The following GREB1L variants were observed in gnomAD, a reference collection of about 807,000 sequenced individuals.
The protein encoded by GREB1L is GREB1 like retinoic acid receptor coactivator, also known as GREB1-like protein.
GREB1L carries 17 observed loss-of-function variants against 200.8 expected under a neutral mutation model. The observed-to-expected ratio is 0.08, with a 90% CI of 0.06 to 0.13. GREB1L has a LOEUF of 0.13. Ranked by LOEUF, GREB1L falls within the 10% of genes least tolerant of loss-of-function variation. The probability of loss-of-function intolerance (pLI) is 1.00; values close to 1 mark genes in which losing one functional copy is unlikely to be tolerated. For missense variants in GREB1L, 1,657 were observed against 2,367.7 expected (o/e 0.70, Z 6.23); for synonymous variants, 789 against 893.0 (o/e 0.88, Z 2.08).
At chr18:21,430,221 A>G (rs374147403) in intron 7 of GREB1L, among the ~76,000 whole-genome samples, 10 of 152,298 alleles carry the variant, frequency 6.6e-5, no homozygotes, top group East Asian at 5.8e-4. Flanking sequence ...GCGGGGAGAC[A>G]ATTCAGTCTA....
intron 15 of GREB1L, among the ~76,000 whole-genome samples, chr18:21,460,137 A>G (rs1158788523): frequency 6.6e-6 from 1 of 151,950 alleles, no homozygotes; most frequent in African/African-American, 2.4e-5. Context: ...GCCGTACTAA[A>G]TTCTTGTTTT....
Position 21,403,883 on chromosome 18 carries a change from C to A in GREB1L, c.721C>A (p.Arg241=). 1 of 1,550,988 alleles carries A rather than the reference C, an allele frequency of 6.4e-7. No homozygotes were observed. ...PLICWKECRS[R]QSSASCHSIK... is the part of the protein sequence containing the mutation. ...TTACTCTTTTCCAGAATGTAGAAGC[C>A]GACAATCCTCTGCTTCTTGCCACTC... The change falls in exon 7 of 33, where the codon CGA becomes AGA. Residue 241 remains arginine, a synonymous_variant. Transcript: ENST00000424526.
Position 21,496,446 on chromosome 18 carries a change from T to C in GREB1L, c.3147-8T>C. 1 of 1,551,632 alleles carries C rather than the reference T, an allele frequency of 6.4e-7. No individual in the cohort carries two copies. Among genetic ancestry groups the C allele is most frequent in the Admixed American group, 2.0e-5 (1 of 50,990 alleles). On this transcript the variant is annotated splice_polypyrimidine_tract_variant and splice_region_variant and intron_variant, in intron 20 of 32. Transcript: ENST00000424526. ...AGACTCACCAACAACACAATTACTT[T>C]TGTTCAGGTCTTTGAAGTACTGTGA...
At chr18:21,250,284 T>G (rs2037681481) in intron 1 of GREB1L, among the ~76,000 whole-genome samples, 1 of 152,190 alleles carries the variant, frequency 6.6e-6, no homozygotes, top group South Asian at 2.1e-4. Context: ...TGTAAAGAGA[T>G]CAAACATCCT....
chr18:21,356,008 A>G (rs1266795900), intron 1 of GREB1L, among the ~76,000 whole-genome samples: 1 of 103,416 alleles, frequency 9.7e-6, no homozygotes. Context: ...TTTTTTTGAG[A>G]TGGCGTCTCA....
intron 5 of GREB1L, among the ~76,000 whole-genome samples, chr18:21,398,617 AT>A (rs1376798531): frequency 6.6e-6 from 1 of 152,168 alleles, no homozygotes. Context: ...TTCATCCAAC[AT>A]TTCTTACTTA....
chr18:21,495,455 T>C (rs7233832), intron 19 of GREB1L, among the ~76,000 whole-genome samples: 13,734 of 152,258 alleles, frequency 0.09, 2,054 homozygotes, highest in African/African-American at 0.31. Flanking sequence ...ATCTCCGTTT[T>C]ATCCTACTGA....
At chr18:21,393,051 C>A (rs77318177) in intron 4 of GREB1L, among the ~76,000 whole-genome samples, 9 of 152,232 alleles carry the variant, frequency 5.9e-5, no homozygotes, top group African/African-American at 2.2e-4. Context: ...GGATTACAGG[C>A]GTGAGCCACT....
chr18:21,469,270 A>G (rs759409130), intron 15 of GREB1L, among the ~76,000 whole-genome samples: 7 of 152,156 alleles, frequency 4.6e-5, no homozygotes, highest in African/African-American at 1.7e-4. Context: ...CTCCTCATTT[A>G]TGTATGTATT....
At chr18:21,251,117 G>A (rs1479798013) in intron 1 of GREB1L, among the ~76,000 whole-genome samples, 3 of 152,132 alleles carry the variant, frequency 2.0e-5, no homozygotes, top group Non-Finnish European at 4.4e-5. Flanking sequence ...CCAGGAGTTC[G>A]AGACTAGCCT....
At chr18:21,315,401 C>A (rs1270253754) in intron 1 of GREB1L, among the ~76,000 whole-genome samples, 5 of 152,206 alleles carry the variant, frequency 3.3e-5, no homozygotes, top group Non-Finnish European at 1.5e-5. Context: ...TAGTTTAAGA[C>A]ATTGATCATT....
At chr18:21,458,861 G>A (rs1235594669) in intron 15 of GREB1L, among the ~76,000 whole-genome samples, 1 of 152,122 alleles carries the variant, frequency 6.6e-6, no homozygotes, top group Admixed American at 6.5e-5. Context: ...AATCTGAAGT[G>A]GTAGCATAAT....
intron 29 of GREB1L, among the ~76,000 whole-genome samples, chr18:21,516,192 C>T (rs1330549746): frequency 1.3e-5 from 2 of 152,128 alleles, no homozygotes; most frequent in Non-Finnish European, 2.9e-5. Context: ...AGCAAGAAGG[C>T]AGGAACCATA....
At chr18:21,269,156 C>G (rs2038038724) in intron 1 of GREB1L, among the ~76,000 whole-genome samples, 1 of 152,090 alleles carries the variant, frequency 6.6e-6, no homozygotes, top group South Asian at 2.1e-4. Context: ...AAACAGAAAA[C>G]TAGAGTGCAA....
rs186660389 is a variant in GREB1L at position 21,395,467 on chromosome 18, G to A, written c.438G>A (p.Val146=). ...QIDIPAGFLL[V]GAKSPNLPEH... ...ACATCCCAGCAGGATTCCTCCTGGTGGGGGCCAAGTCTCCCAATCTGCCTG... is the reference window on the plus strand; with the variant it reads ...ACATCCCAGCAGGATTCCTCCTGGTAGGGGCCAAGTCTCCCAATCTGCCTG... The change falls in exon 5 of 33, where the codon GTG becomes GTA. Residue 146 remains valine (V), a synonymous_variant. Transcript: ENST00000424526. 8 of 1,550,616 alleles carry A rather than the reference G, an allele frequency of 5.2e-6. No homozygotes were observed. The African/African-American group carries it at 6.8e-5, about 13-fold the overall frequency.
rs574382958 is a variant in GREB1L, at chr18:21,301,456, A to T, written c.-120+59063A>T. The stretch of plus-strand genomic sequence containing the variant: ...TCCCAGTTACCCCTTTTAGCAAATG[A>T]TATTCATGAATACTGTGCTCACAAA... On this transcript the variant is annotated intron_variant, in intron 1 of 32. Coordinates refer to ENST00000424526, the MANE Select transcript of GREB1L (RefSeq NM_001142966.3). Among the ~76,000 whole-genome samples the T allele has an allele frequency of 4.6e-5, 7 of 152,346 alleles. No homozygotes were observed. The East Asian group carries it at 1.3e-3, about 29-fold the overall frequency.
chr18:21,382,222 G>A (rs1254294362), intron 2 of GREB1L, among the ~76,000 whole-genome samples: 1 of 151,972 alleles, frequency 6.6e-6, no homozygotes, highest in Admixed American at 6.6e-5. Context: ...CTGTGTGCCT[G>A]TAGTCCCAGC....
chr18:21,320,831 A>G (rs747355277), intron 1 of GREB1L, among the ~76,000 whole-genome samples: 16 of 152,130 alleles, frequency 1.1e-4, no homozygotes, highest in Non-Finnish European at 2.2e-4. Flanking sequence ...AAGGAAGAGA[A>G]ACATTTTGAA....
chr18:21,322,569 C>G (rs1357776570), intron 1 of GREB1L, among the ~76,000 whole-genome samples: 2 of 152,054 alleles, frequency 1.3e-5, no homozygotes, highest in Non-Finnish European at 2.9e-5. Context: ...AAAATTGATT[C>G]TCTAGTTCAT....
Sources: gnomAD v4.1 joint callset for allele counts (sites outside exome capture counted in the v4.1 genomes callset) on GRCh38, gnomAD v4.1.1 for gene constraint, MANE v1.5 for transcripts, NCBI Gene and HGNC (gene_info 2026-07-23, HGNC 2026-07-21) for gene names.